Variants in AP3B2 observed in about 807,000 individuals in gnomAD.
AP3B2 encodes the protein adaptor related protein complex 3 subunit beta 2.
Under a neutral mutation model 126.9 loss-of-function variants are expected in AP3B2, and 50 were observed. That is an observed-to-expected ratio of 0.39 (90% CI 0.31 to 0.50). The LOEUF is 0.50. AP3B2 is among the 20% of genes least tolerant of loss of function. The pLI is 0.79. For synonymous variants in AP3B2, 541 were observed against 565.0 expected (o/e 0.96, Z 0.60); for missense variants, 1,177 against 1,426.4 (o/e 0.83, Z 2.82).
intron 1 of AP3B2, among the ~76,000 whole-genome samples, chr15:82,708,372 T>C (rs915567269): frequency 3.9e-5 from 6 of 151,960 alleles, no homozygotes; most frequent in African/African-American, 1.4e-4. Context: ...AAAGCCTGTT[T>C]GGTGGTCTCT....
intron 21 of AP3B2, 116 bp from the exon 22 acceptor site, chr15:82,663,349 G>A: frequency 9.9e-7 from 1 of 1,014,230 alleles, no homozygotes; most frequent in Non-Finnish European, 1.5e-6. Flanking sequence ...GCACATGGCT[G>A]CCTGGAGGCT....
At chr15:82,704,717 C>T (rs912024634) in intron 1 of AP3B2, among the ~76,000 whole-genome samples, 3 of 152,396 alleles carry the variant, frequency 2.0e-5, no homozygotes, top group Non-Finnish European at 4.4e-5. Context: ...CTCGGCTTAG[C>T]AGCTGAAGAC....
intron 24 of AP3B2, 69 bp from the exon 25 acceptor site, chr15:82,661,991 T>C: frequency 6.9e-7 from 1 of 1,457,140 alleles, no homozygotes; most frequent in Non-Finnish European, 9.5e-7. Context: ...CCACCCTGTG[T>C]AGAGGCACAG....
chr15:82,679,070 C>A (rs888760156), intron 10 of AP3B2, among the ~76,000 whole-genome samples: 3 of 152,122 alleles, frequency 2.0e-5, no homozygotes, highest in Non-Finnish European at 4.4e-5. Context: ...AAAGTGTGAA[C>A]CTTGGAGTCA....
In AP3B2 at chr15:82,681,570, T is replaced by A; in HGVS notation, c.371A>T (p.Gln124Leu). 1 of 1,613,420 alleles carries A rather than the reference T, an allele frequency of 6.2e-7. No homozygotes were observed. Among genetic ancestry groups the A allele is most frequent in the Non-Finnish European group, 8.5e-7 (1 of 1,179,790 alleles). Reference sequence around the variant, plus strand: ...ACGGAGGGCACTGGCACGAATCAGCTGGTTGGGATCCTAAAGGCAGAGGTG... The same window carrying A: ...ACGGAGGGCACTGGCACGAATCAGCAGGTTGGGATCCTAAAGGCAGAGGTG... ...TFQRGLKDPN[Q>L]LIRASALRVL... The change falls in exon 5 of 27, where the codon CAG becomes CTG. Residue 124 changes from glutamine (Q) to leucine (L), a missense_variant. Gln to Leu is a moderately radical substitution (Grantham distance 113). Coordinates refer to ENST00000535359, the MANE Select transcript of AP3B2 (RefSeq NM_001278512.2). The surrounding 1 kb of genome is among the most constrained non-coding windows in gnomAD (Gnocchi z 4.0).
At chr15:82,673,145 T>C (rs2048185899) in intron 14 of AP3B2, among the ~76,000 whole-genome samples, 1 of 152,268 alleles carries the variant, frequency 6.6e-6, no homozygotes, top group South Asian at 2.1e-4. Context: ...AGTAATTTAT[T>C]ATGTAGCAGA....
At position 82,677,262 on chromosome 15, in the gene AP3B2, C is replaced by A. The variant is rs771697456; in HGVS notation, c.1488+12G>T. 1 of 1,594,400 alleles carries A rather than the reference C, an allele frequency of 6.3e-7. No homozygotes were observed. Among genetic ancestry groups the A allele is most frequent in the Admixed American group, 1.7e-5 (1 of 58,550 alleles). ...CTTGAAGTGGGGAGTGAAAATATGG[C>A]TTCTCCCTCACCTGGATGTTGTCTG... On this transcript the variant is annotated intron_variant, in intron 13 of 26. Transcript: ENST00000535359.
chr15:82,691,402 A>G (rs932190876), intron 1 of AP3B2, among the ~76,000 whole-genome samples: 1 of 152,186 alleles, frequency 6.6e-6, no homozygotes. Flanking sequence ...CATATTTTTA[A>G]GCAGAATGGG....
chr15:82,696,510 G>A (rs935566662), intron 1 of AP3B2, among the ~76,000 whole-genome samples: 9 of 152,172 alleles, frequency 5.9e-5, no homozygotes, highest in Admixed American at 3.3e-4. Flanking sequence ...CCCAGGAGGC[G>A]GAGATTGCAG....
intron 1 of AP3B2, among the ~76,000 whole-genome samples, chr15:82,700,035 G>A (rs1230634060): frequency 6.6e-6 from 1 of 152,118 alleles, no homozygotes; most frequent in Non-Finnish European, 1.5e-5. Flanking sequence ...TAGAGGGAAA[G>A]AAGGGCAGGG....
chr15:82,690,639 CTTCTTTTT>C (rs1243183529), intron 1 of AP3B2, among the ~76,000 whole-genome samples: 1 of 103,458 alleles, frequency 9.7e-6, no homozygotes, highest in Non-Finnish European at 2.0e-5. Flanking sequence ...ACATTTTCTT[CTTCTTTTT>C]TTTTTTTTTT....
intron 14 of AP3B2, among the ~76,000 whole-genome samples, chr15:82,668,791 CTGAGATACACTCCAG>C (rs753217982): frequency 6.6e-6 from 1 of 152,024 alleles, no homozygotes; most frequent in Non-Finnish European, 1.5e-5. Flanking sequence ...AAGAAGGCCT[CTGAGATACACTCCAG>C]TGTGCCAAGA....
chr15:82,670,529 C>G (rs908952103), intron 14 of AP3B2, among the ~76,000 whole-genome samples: 3 of 152,202 alleles, frequency 2.0e-5, no homozygotes, highest in Non-Finnish European at 4.4e-5. Flanking sequence ...AGACCCCTAT[C>G]TCTCACCATA....
At position 82,681,622 on chromosome 15, in the gene AP3B2, G is replaced by C; in HGVS notation, c.361-42C>G. ...AGGCAGAGCTATGAAAGGGCACCAG[G>C]TGCCCTGATGGGGGGAGGCCACACC... is the stretch of plus-strand genomic sequence containing the variant. On this transcript the variant is annotated intron_variant, in intron 4 of 26. Coordinates refer to ENST00000535359, the MANE Select transcript of AP3B2 (RefSeq NM_001278512.2). This position sits in a 1 kb window ranked among gnomAD's most constrained non-coding sequence, Gnocchi z 4.0. The C allele has an allele frequency of 6.3e-7, 1 of 1,596,154 alleles. No individual in the cohort carries two copies. Among genetic ancestry groups the C allele is most frequent in the Admixed American group, 1.7e-5 (1 of 59,314 alleles).
chr15:82,691,931 A>T, intron 1 of AP3B2: 1 of 1,341,626 alleles, frequency 7.5e-7, no homozygotes. Context: ...TTCTTTTCTG[A>T]GATACTCAAC....
At chr15:82,702,384 C>T (rs2048731979) in intron 1 of AP3B2, among the ~76,000 whole-genome samples, 1 of 152,200 alleles carries the variant, frequency 6.6e-6, no homozygotes, top group Admixed American at 6.5e-5. Flanking sequence ...CCTTGTCAGG[C>T]CTCTGAGCCC....
At chr15:82,689,313 T>G in intron 2 of AP3B2, 65 bp downstream of exon 2, 2 of 1,611,728 alleles carry the variant, frequency 1.2e-6, no homozygotes, top group Non-Finnish European at 1.7e-6. Flanking sequence ...TACAAGGAGC[T>G]AAGGAGAGCT....
At chr15:82,699,821 C>G (rs1596197245) in intron 1 of AP3B2, 3 of 399,452 alleles carry the variant, frequency 7.5e-6, no homozygotes, top group Non-Finnish European at 1.3e-5. Flanking sequence ...GCTCCGCAGG[C>G]CCCTCTGACC....
intron 1 of AP3B2, among the ~76,000 whole-genome samples, chr15:82,696,602 T>C (rs985950026): frequency 6.6e-6 from 1 of 152,148 alleles, no homozygotes; most frequent in Non-Finnish European, 1.5e-5. Context: ...AAGGAACTGA[T>C]ATACATGTAT....
Sources: gnomAD v4.1 joint callset for allele counts (sites outside exome capture counted in the v4.1 genomes callset) on GRCh38, gnomAD v4.1.1 for gene constraint, Gnocchi (gnomAD v3.1) non-coding constraint, MANE v1.5 for transcripts, NCBI Gene and HGNC (gene_info 2026-07-23, HGNC 2026-07-21) for gene names.